Variants in IL1R2 observed in about 807,000 individuals in gnomAD.
IL1R2 encodes interleukin 1 receptor type 2.
A neutral mutation model predicts 39.5 loss-of-function variants in IL1R2; 46 were observed. That is an observed-to-expected ratio of 1.16 (90% CI 0.92 to 1.49). The LOEUF is 1.49. Ranked by LOEUF, IL1R2 falls within the 40% of genes most tolerant of loss-of-function variation. The probability of loss-of-function intolerance (pLI) is 0.00; values close to 1 mark genes in which losing one functional copy is unlikely to be tolerated. For missense variants in IL1R2, 537 were observed against 502.0 expected, an observed-to-expected ratio of 1.07 and a Z score of -0.67; for synonymous variants, 207 against 189.6, an observed-to-expected ratio of 1.09 and a Z score of -0.75.
intron 1 of IL1R2, among the ~76,000 whole-genome samples, chr2:102,005,204 C>T (rs139105396): frequency 3.3e-5 from 5 of 152,308 alleles, no homozygotes; most frequent in African/African-American, 7.2e-5. Flanking sequence ...CCATAATTCC[C>T]GTAAGCCTGA....
chr2:101,996,054 A>G (rs573899476), intron 1 of IL1R2, among the ~76,000 whole-genome samples: 2 of 152,264 alleles, frequency 1.3e-5, no homozygotes, highest in Admixed American at 1.3e-4. Context: ...CAGCTGTGAA[A>G]TGCACAGGCC....
At position 102,008,590 on chromosome 2, in the gene IL1R2, C is replaced by T. The variant is rs371324309; in HGVS notation, c.15C>T (p.Tyr5=). 20 of 1,613,862 alleles carry T rather than the reference C, an allele frequency of 1.2e-5. No individual in the cohort carries two copies. The highest frequency in any genetic ancestry group is 1.6e-4 in the Middle Eastern group (1 of 6,076). The part of the protein sequence containing the change: MLRL[Y]VLVMGVSAFT... ...TGTCAGGAGCAATGTTGCGCTTGTA[C>T]GTGTTGGTAATGGGAGTTTCTGCCT... Residue 5 remains tyrosine (Y), a synonymous_variant, in exon 2 of 9, where the codon TAC becomes TAT. Transcript: ENST00000332549.
intron 1 of IL1R2, among the ~76,000 whole-genome samples, chr2:101,993,088 G>A (rs539179023): frequency 1.3e-5 from 2 of 152,156 alleles, no homozygotes; most frequent in African/African-American, 4.8e-5. Flanking sequence ...GCTGCACGTG[G>A]GATGTGCACT....
intron 4 of IL1R2, among the ~76,000 whole-genome samples, chr2:102,016,789 G>A (rs1025979983): frequency 6.6e-6 from 1 of 152,170 alleles, no homozygotes; most frequent in Non-Finnish European, 1.5e-5. Flanking sequence ...ATATCCGTAG[G>A]TTATATGCAA....
At chr2:101,994,183 G>A (rs895505766) in intron 1 of IL1R2, among the ~76,000 whole-genome samples, 1 of 152,116 alleles carries the variant, frequency 6.6e-6, no homozygotes, top group Non-Finnish European at 1.5e-5. Context: ...TCTCTCCCGG[G>A]GTCTTCAGTT....
chr2:102,026,772 C>T (rs2150465766), intron 8 of IL1R2, among the ~76,000 whole-genome samples: 1 of 152,226 alleles, frequency 6.6e-6, no homozygotes, highest in South Asian at 2.1e-4. Flanking sequence ...AAGAGGAAAA[C>T]CCACATTATC....
At chr2:102,015,414 C>A (rs532123763) in intron 3 of IL1R2, among the ~76,000 whole-genome samples, 1 of 152,254 alleles carries the variant, frequency 6.6e-6, no homozygotes, top group South Asian at 2.1e-4. Flanking sequence ...AGAAGTATTG[C>A]AATATAGATG....
At chr2:101,996,520 C>A (rs1577675109) in intron 1 of IL1R2, among the ~76,000 whole-genome samples, 1 of 88,508 alleles carries the variant, frequency 1.1e-5, no homozygotes, top group South Asian at 4.1e-4. Context: ...GGGAGAATGG[C>A]TGACTTCTTG....
At chr2:102,024,914 T>C in intron 7 of IL1R2, 1 of 471,558 alleles carries the variant, frequency 2.1e-6, no homozygotes, top group African/African-American at 2.0e-5. Context: ...TTGTAGCTGT[T>C]TCATTAAACA....
intron 1 of IL1R2, among the ~76,000 whole-genome samples, chr2:101,995,346 G>A (rs1577673190): frequency 6.6e-6 from 1 of 151,848 alleles, no homozygotes; most frequent in South Asian, 2.1e-4. Flanking sequence ...GGTGTAGAGA[G>A]GACCTCAGGG....
intron 7 of IL1R2, among the ~76,000 whole-genome samples, chr2:102,025,546 GT>G (rs977802763): frequency 2.6e-5 from 4 of 152,204 alleles, no homozygotes; most frequent in African/African-American, 9.7e-5. Flanking sequence ...ACTCATCTGT[GT>G]TTTTATTCAC....
chr2:102,019,569 T>C, intron 4 of IL1R2, 69 bp from the exon 5 acceptor site: 2 of 1,075,578 alleles, frequency 1.9e-6, no homozygotes, highest in Non-Finnish European at 1.3e-6. Context: ...TTGATAATGA[T>C]GATGTAATTC....
At position 102,008,662 on chromosome 2, in the gene IL1R2, G is replaced by C. The variant is rs760871632; in HGVS notation, c.67+20G>C. 3.7e-6 allele frequency: 6 copies of C among 1,605,130 alleles called. No homozygotes were observed. Among genetic ancestry groups the C allele is most frequent in the Admixed American group, 1.7e-5 (1 of 59,938 alleles). On this transcript the variant is annotated intron_variant, in intron 2 of 8. Coordinates refer to ENST00000332549, the MANE Select transcript of IL1R2 (RefSeq NM_004633.4). Reference sequence around the variant, plus strand: ...ACACAGGTTAGAAGTAAACCTTTCAGATGCAAAAAGGCTTGCCTGTAGCTT... The same window carrying C: ...ACACAGGTTAGAAGTAAACCTTTCACATGCAAAAAGGCTTGCCTGTAGCTT...
intron 1 of IL1R2, among the ~76,000 whole-genome samples, 181 bp downstream of exon 1, chr2:101,992,192 G>A (rs1675361909): frequency 6.6e-6 from 1 of 151,054 alleles, no homozygotes; most frequent in African/African-American, 2.4e-5. Flanking sequence ...GAGATGGAGA[G>A]ACAGGCAGAG....
intron 1 of IL1R2, among the ~76,000 whole-genome samples, chr2:101,998,445 C>T (rs1469557609): frequency 2.0e-5 from 3 of 152,220 alleles, no homozygotes; most frequent in Non-Finnish European, 4.4e-5. Context: ...TTTGATTGAG[C>T]ATTCTGTTCA....
intron 2 of IL1R2, among the ~76,000 whole-genome samples, 193 bp from the exon 3 acceptor site, chr2:102,009,369 A>AT (rs2150434581): frequency 6.6e-6 from 1 of 152,354 alleles, no homozygotes; most frequent in East Asian, 1.9e-4. Flanking sequence ...TTTTGAAAGT[A>AT]TAATAACGGG....
chr2:102,023,734 A>T (rs954036762), intron 6 of IL1R2: 1 of 152,246 alleles, frequency 6.6e-6, no homozygotes, highest in African/African-American at 2.4e-5. Flanking sequence ...ACAACTGCAG[A>T]GGGCACCATC....
At chr2:102,001,450 A>T (rs1170304745) in intron 1 of IL1R2, among the ~76,000 whole-genome samples, 2 of 152,196 alleles carry the variant, frequency 1.3e-5, no homozygotes, top group Non-Finnish European at 2.9e-5. Flanking sequence ...ACCAGACCCC[A>T]CCAGGGATGG....
At chr2:102,012,935 T>A (rs1316517128) in intron 3 of IL1R2, among the ~76,000 whole-genome samples, 1 of 152,184 alleles carries the variant, frequency 6.6e-6, no homozygotes, top group African/African-American at 2.4e-5. Context: ...TTGACTTTTA[T>A]GGGTGTTAGT....
Sources: allele counts gnomAD v4.1 joint callset (sites outside exome capture counted in the v4.1 genomes callset), GRCh38; gene constraint gnomAD v4.1.1; transcripts MANE v1.5; gene names NCBI Gene and HGNC (gene_info 2026-07-23, HGNC 2026-07-21).